COL25A1: variants seen among roughly 807,000 people sequenced by gnomAD.
COL25A1 encodes collagen type XXV alpha 1 chain.
In COL25A1, 103 loss-of-function variants were observed where a neutral mutation model predicts 128.4. That is an observed-to-expected ratio of 0.80 (90% CI 0.68 to 0.94). The LOEUF (loss-of-function observed/expected upper bound fraction) is 0.94, where lower values mean the gene tolerates loss of function less well. Among genes scored for constraint, COL25A1 ranks in the 40% least tolerant of loss-of-function variants. The pLI, the probability that COL25A1 is intolerant of heterozygous loss-of-function variation, is 0.00. For synonymous variants in COL25A1, 279 were observed against 277.2 expected, an observed-to-expected ratio of 1.01 and a Z score of -0.06; for missense variants, 745 against 840.0, an observed-to-expected ratio of 0.89 and a Z score of 1.40.
chr4:109,200,640 T>C (rs1488883364), intron 3 of COL25A1, among the ~76,000 whole-genome samples: 1 of 152,114 alleles, frequency 6.6e-6, no homozygotes, highest in Non-Finnish European at 1.5e-5. Context: ...TTAGTAGAGA[T>C]GCGGTTTCGC....
chr4:109,153,385 A>C (rs897376554), intron 3 of COL25A1, among the ~76,000 whole-genome samples: 1 of 148,600 alleles, frequency 6.7e-6, no homozygotes, highest in African/African-American at 2.5e-5. Flanking sequence ...CCATCTCAAA[A>C]AAAAAAAAAA....
chr4:109,004,078 A>C (rs1437668804), intron 6 of COL25A1, among the ~76,000 whole-genome samples: 2 of 151,878 alleles, frequency 1.3e-5, no homozygotes, highest in Admixed American at 1.3e-4. Context: ...TTTCATTCTA[A>C]TACCCTTTCA....
At chr4:109,012,644 C>T (rs1177888837) in intron 5 of COL25A1, among the ~76,000 whole-genome samples, 1 of 152,154 alleles carries the variant, frequency 6.6e-6, no homozygotes, top group Non-Finnish European at 1.5e-5. Flanking sequence ...GAGGGGGCGC[C>T]AGGTCCCCCG....
rs867529831 is a variant in COL25A1 at position 108,953,086 on chromosome 4, T to C, written c.493-11649A>G. ...ATCATCCTGTACTTCCTTGTATACC[T>C]CTGAAGTTTAACATCCACCCTAAAT... On this transcript the variant is annotated intron_variant, in intron 8 of 37. Coordinates refer to ENST00000399132, the MANE Select transcript of COL25A1 (RefSeq NM_198721.4). Among the ~76,000 whole-genome samples, 3 of 152,098 alleles carry C rather than the reference T, an allele frequency of 2.0e-5. No individual in the cohort carries two copies. In the South Asian group the frequency reaches 6.2e-4, roughly 32 times the overall value.
chr4:108,889,256 C>T lies in COL25A1; in HGVS notation c.940G>A (p.Gly314Arg). Residue 314 changes from glycine (G) to arginine (R), a missense_variant and splice_region_variant, in exon 18 of 38, where the codon GGA (glycine) becomes AGA (arginine). Physicochemically the swap from Gly to Arg is moderately radical, Grantham distance 125. This residue lies in a region of COL25A1 where 387 missense variants were observed against 441.9 expected (regional missense o/e 0.88). Transcript: ENST00000399132. ...GGACGACCAGATTCCCCAGGTTCTC[C>T]CTGGCCAAAGAAAACCAAAGATGAA... ...DPGSSAAGIK[G>R]EPGESGRPGQ... The T allele has an allele frequency of 6.2e-7, 1 of 1,613,602 alleles. No homozygotes were observed. The highest frequency in any genetic ancestry group is 8.5e-7 in the Non-Finnish European group (1 of 1,179,662).
chr4:109,228,139 GA>G (rs1288094339), intron 3 of COL25A1, among the ~76,000 whole-genome samples: 1 of 152,102 alleles, frequency 6.6e-6, no homozygotes, highest in Non-Finnish European at 1.5e-5. Context: ...CTGCCATTTG[GA>G]TGGTATCCAT....
chr4:108,879,693 C>T (rs1303526823), intron 19 of COL25A1, among the ~76,000 whole-genome samples: 7 of 152,076 alleles, frequency 4.6e-5, no homozygotes, highest in Middle Eastern at 3.2e-3. Context: ...GTGATCCACC[C>T]GCCTCGGCCT....
chr4:108,891,909 G>A (rs982220121), intron 16 of COL25A1, among the ~76,000 whole-genome samples: 1 of 151,890 alleles, frequency 6.6e-6, no homozygotes, highest in South Asian at 2.1e-4. Flanking sequence ...TGGATGGAAA[G>A]AAAAAGACAG....
chr4:109,230,878 C>T (rs1345411028), intron 3 of COL25A1, among the ~76,000 whole-genome samples: 2 of 152,176 alleles, frequency 1.3e-5, no homozygotes, highest in Non-Finnish European at 2.9e-5. Flanking sequence ...CAGCGGCTCA[C>T]GCCTGTAATC....
chr4:108,947,267 C>T (rs558046521), intron 8 of COL25A1, among the ~76,000 whole-genome samples: 1 of 151,960 alleles, frequency 6.6e-6, no homozygotes. Flanking sequence ...CATGGTGAAA[C>T]CCCGTCCCTA....
intron 3 of COL25A1, among the ~76,000 whole-genome samples, chr4:109,127,215 A>T (rs1768704568): frequency 6.6e-6 from 1 of 152,232 alleles, no homozygotes; most frequent in Admixed American, 6.5e-5. Context: ...TATGAGGACC[A>T]TGCCTTCATT....
At chr4:109,004,951 A>AGTT (rs3065616) in intron 6 of COL25A1, among the ~76,000 whole-genome samples, 149,112 of 152,316 alleles carry the variant, frequency 0.98, 73,006 homozygotes, top group East Asian at 1. Context: ...GGGAAAAACA[A>AGTT]GTTAATTACA....
At chr4:108,855,197 T>TTG (rs912810179) in intron 24 of COL25A1, among the ~76,000 whole-genome samples, 1 of 145,702 alleles carries the variant, frequency 6.9e-6, no homozygotes, top group African/African-American at 2.6e-5. Flanking sequence ...TACTGTTTTT[T>TTG]TTTTTTATTT....
intron 3 of COL25A1, among the ~76,000 whole-genome samples, chr4:109,283,001 TA>T (rs5860977): frequency 0.082 from 12,409 of 152,198 alleles, 689 homozygotes; most frequent in East Asian, 0.23. Flanking sequence ...ATAAAGATCA[TA>T]TTTTTAAGGA....
chr4:108,817,303 T>A, intron 37 of COL25A1, 94 bp downstream of exon 37: 1 of 1,132,264 alleles, frequency 8.8e-7, no homozygotes, highest in Non-Finnish European at 1.3e-6. Flanking sequence ...TTTTGCTTTT[T>A]AATATCCGAA....
At position 109,203,057 on chromosome 4, in the gene COL25A1, G is replaced by T. The variant is rs116089970; in HGVS notation, c.367+97526C>A. Among the ~76,000 whole-genome samples the T allele has an allele frequency of 2.9e-3, 439 of 152,236 alleles. 1 individual carries two copies. The highest frequency in any genetic ancestry group is 6.9e-3 in the Admixed American group (105 of 15,286). On this transcript the variant is annotated intron_variant, in intron 3 of 37. Coordinates refer to ENST00000399132, the MANE Select transcript of COL25A1 (RefSeq NM_198721.4). Reference sequence around the variant, plus strand: ...AAAAGTCCTAGAACTAGAGGATGTTGTAGATGGAAAAGTCCCTGGCCCCAG... The same window carrying T: ...AAAAGTCCTAGAACTAGAGGATGTTTTAGATGGAAAAGTCCCTGGCCCCAG...
At chr4:108,903,580 T>G (rs1271360854) in intron 13 of COL25A1, among the ~76,000 whole-genome samples, 1 of 152,086 alleles carries the variant, frequency 6.6e-6, no homozygotes, top group East Asian at 1.9e-4. Flanking sequence ...CTCATTTTTC[T>G]GTCAAATAAT....
At chr4:108,873,187 C>G (rs1031307760) in intron 19 of COL25A1, among the ~76,000 whole-genome samples, 10 of 152,166 alleles carry the variant, frequency 6.6e-5, no homozygotes, top group Admixed American at 6.5e-5. Context: ...GCCACTCCCC[C>G]CAGGCAGCTT....
intron 3 of COL25A1, among the ~76,000 whole-genome samples, chr4:109,195,745 C>T (rs938828015): frequency 2.0e-5 from 3 of 152,078 alleles, no homozygotes; most frequent in Non-Finnish European, 2.9e-5. Flanking sequence ...TTTACTGGGT[C>T]CCACATGCTG....
Sources: gnomAD v4.1 joint callset for allele counts (sites outside exome capture counted in the v4.1 genomes callset) on GRCh38, gnomAD v4.1.1 for gene constraint, gnomAD v4.1.1 regional missense constraint, MANE v1.5 for transcripts, NCBI Gene and HGNC (gene_info 2026-07-23, HGNC 2026-07-21) for gene names.